The following ADGRA3 variants were observed in gnomAD, a reference collection of about 807,000 sequenced individuals.
ADGRA3 encodes G-protein coupled receptor 125.
In ADGRA3, 56 loss-of-function variants were observed where a neutral mutation model predicts 119.8. The observed-to-expected ratio is 0.47, with a 90% CI of 0.38 to 0.58. The LOEUF (loss-of-function observed/expected upper bound fraction) is 0.58, where lower values mean the gene tolerates loss of function less well. Among genes scored for constraint, ADGRA3 ranks in the 20% least tolerant of loss-of-function variants. The pLI, the probability that ADGRA3 is intolerant of heterozygous loss-of-function variation, is 0.00. For missense variants in ADGRA3, 1,516 were observed against 1,649.0 expected, an observed-to-expected ratio of 0.92 and a Z score of 1.40; for synonymous variants, 607 against 623.8, an observed-to-expected ratio of 0.97 and a Z score of 0.40.
intron 10 of ADGRA3, 106 bp from the exon 11 acceptor site, chr4:22,424,458 T>G (rs1715850605): frequency 8.1e-7 from 1 of 1,234,794 alleles, no homozygotes; most frequent in Non-Finnish European, 1.1e-6. Flanking sequence ...AGTCTCAAAT[T>G]CCACATGAGA....
intron 1 of ADGRA3, among the ~76,000 whole-genome samples, chr4:22,495,583 A>T (rs1418921684): frequency 2.0e-5 from 3 of 152,018 alleles, no homozygotes; most frequent in African/African-American, 7.3e-5. Flanking sequence ...AAGCAAAGTA[A>T]TTGATCAGGA....
At chr4:22,502,715 T>C (rs1001650421) in intron 1 of ADGRA3, among the ~76,000 whole-genome samples, 3 of 150,958 alleles carry the variant, frequency 2.0e-5, no homozygotes, top group Non-Finnish European at 3.0e-5. Flanking sequence ...GGGAACTGGA[T>C]CAAGAAATGA....
In ADGRA3 at chr4:22,387,800, G is replaced by A. The variant is rs1440717794; in HGVS notation, c.3871C>T (p.Pro1291Ser). ...CCCTCCTGCCCATTGCTTTTAATTG[G>A]TCCATTCTGAATGGCCAAGTTGAGG... ...YGLNLAIQNG[P>S]IKSNGQEGPL... Residue 1291 changes from proline (P) to serine (S), a missense_variant, in exon 19 of 19, where the codon CCA (proline) becomes TCA (serine). This residue lies in a region of ADGRA3 where 1,088 missense variants were observed against 1,107.1 expected (regional missense o/e 0.98). Coordinates refer to ENST00000334304, the MANE Select transcript of ADGRA3 (RefSeq NM_145290.4). The A allele has an allele frequency of 1.2e-6, 2 of 1,614,018 alleles. No homozygotes were observed. Among genetic ancestry groups the A allele is most frequent in the Admixed American group, 1.7e-5 (1 of 60,008 alleles).
At chr4:22,484,367 G>A (rs1718353422) in intron 1 of ADGRA3, among the ~76,000 whole-genome samples, 1 of 152,166 alleles carries the variant, frequency 6.6e-6, no homozygotes, top group African/African-American at 2.4e-5. Flanking sequence ...CAGTTTGGGA[G>A]GCCAAGGCGG....
intron 10 of ADGRA3, among the ~76,000 whole-genome samples, chr4:22,426,726 A>G (rs1715948909): frequency 6.6e-6 from 1 of 152,208 alleles, no homozygotes; most frequent in African/African-American, 2.4e-5. Flanking sequence ...GAACTAACAC[A>G]TTCTCAAGGG....
chr4:22,474,991 G>T (rs1463590210), intron 1 of ADGRA3, among the ~76,000 whole-genome samples: 2 of 152,126 alleles, frequency 1.3e-5, no homozygotes, highest in African/African-American at 4.8e-5. Context: ...AAAACAACTT[G>T]GATTCCTGGT....
chr4:22,444,011 G>A lies in ADGRA3; in HGVS notation c.706+962C>T, dbSNP rs576571059. 3.3e-5 allele frequency among the ~76,000 whole-genome samples: 5 copies of A among 152,174 alleles called. No homozygotes were observed. In the East Asian group the frequency reaches 7.7e-4, roughly 24 times the overall value. ...GTTTTTGTTTTATGGGGTTGTGTGT[G>A]TAGGTGTGCTTTTTTGTTTTTTGTT... On this transcript the variant is annotated intron_variant, in intron 6 of 18. Transcript: ENST00000334304.
At chr4:22,428,031 A>C (rs1320472381) in intron 10 of ADGRA3, among the ~76,000 whole-genome samples, 1 of 152,246 alleles carries the variant, frequency 6.6e-6, no homozygotes, top group Non-Finnish European at 1.5e-5. Context: ...CAAGTTCTTA[A>C]TATACAAATG....
chr4:22,455,835 T>C (rs1376375701), intron 3 of ADGRA3: 2 of 1,287,786 alleles, frequency 1.6e-6, no homozygotes, highest in African/African-American at 1.5e-5. Flanking sequence ...CTCGCATCAT[T>C]GTTTTCAGTG....
chr4:22,462,654 T>C (rs963439156), intron 2 of ADGRA3, among the ~76,000 whole-genome samples: 2 of 152,198 alleles, frequency 1.3e-5, no homozygotes, highest in Non-Finnish European at 2.9e-5. Context: ...ATAAAATAAA[T>C]GTGTGATAAA....
At chr4:22,422,886 T>G (rs1039240888) in intron 11 of ADGRA3, among the ~76,000 whole-genome samples, 1 of 152,116 alleles carries the variant, frequency 6.6e-6, no homozygotes, top group African/African-American at 2.4e-5. Flanking sequence ...GAAACTCCAC[T>G]GACTTACATT....
intron 1 of ADGRA3, among the ~76,000 whole-genome samples, chr4:22,476,455 C>G (rs189089625): frequency 6.6e-6 from 1 of 152,132 alleles, no homozygotes; most frequent in Admixed American, 6.5e-5. Flanking sequence ...TGTATGCCTC[C>G]AATAAAAATG....
chr4:22,462,597 G>T (rs147498724), intron 2 of ADGRA3, among the ~76,000 whole-genome samples: 3 of 152,328 alleles, frequency 2.0e-5, no homozygotes, highest in African/African-American at 7.2e-5. Context: ...TTACAGGCAT[G>T]AGCCACTGCA....
At chr4:22,435,709 T>C (rs2109060854) in intron 9 of ADGRA3, among the ~76,000 whole-genome samples, 1 of 152,306 alleles carries the variant, frequency 6.6e-6, no homozygotes, top group Non-Finnish European at 1.5e-5. Context: ...TACATGAGGT[T>C]AACATGTTGC....
intron 17 of ADGRA3, 24 bp from the exon 18 acceptor site, chr4:22,389,207 A>T: frequency 6.8e-7 from 1 of 1,476,030 alleles, no homozygotes; most frequent in Non-Finnish European, 9.5e-7. Flanking sequence ...TCACAGGAAA[A>T]ACCACTCATC....
chr4:22,415,599 A>G (rs910324188), intron 12 of ADGRA3, among the ~76,000 whole-genome samples: 4 of 152,162 alleles, frequency 2.6e-5, no homozygotes, highest in Non-Finnish European at 5.9e-5. Context: ...AGTATTACAT[A>G]ATGCACATTT....
intron 17 of ADGRA3, among the ~76,000 whole-genome samples, chr4:22,391,906 T>C (rs145442338): frequency 0.012 from 1,751 of 152,218 alleles, 28 homozygotes; most frequent in South Asian, 0.041. Context: ...CTTCTTTCTT[T>C]ACATTTTCAA....
At chr4:22,413,925 TA>T (rs1715327953) in intron 12 of ADGRA3, 111 bp from the exon 13 acceptor site, 1 of 657,858 alleles carries the variant, frequency 1.5e-6, no homozygotes. Context: ...CTTCATTTTT[TA>T]AATTGGATAT....
Position 22,461,802 on chromosome 4 carries a change from G to C in ADGRA3, c.336C>G (p.Leu112=). Residue 112 remains leucine, a synonymous_variant, in exon 3 of 19, where the codon CTC becomes CTG. Coordinates refer to ENST00000334304, the MANE Select transcript of ADGRA3 (RefSeq NM_145290.4). ...SGLSLLERLD[L]RNNLISSIDP... The stretch of plus-strand genomic sequence containing the variant: ...CTATACTACTAATAAGATTGTTTCG[G>C]AGGTCCCTGTTAAAAATAAAATAAA... The C allele has an allele frequency of 1.2e-6, 2 of 1,600,370 alleles. No homozygotes were observed. The highest frequency in any genetic ancestry group is 1.7e-6 in the Non-Finnish European group (2 of 1,170,034).
Sources: gnomAD v4.1 joint callset for allele counts (sites outside exome capture counted in the v4.1 genomes callset) on GRCh38, gnomAD v4.1.1 for gene constraint, gnomAD v4.1.1 regional missense constraint, MANE v1.5 for transcripts, NCBI Gene and HGNC (gene_info 2026-07-23, HGNC 2026-07-21) for gene names.